Variants in ERN1 observed in about 807,000 individuals in gnomAD.
ERN1 encodes endoplasmic reticulum to nucleus signaling 1.
Under a neutral mutation model 113.1 loss-of-function variants are expected in ERN1, and 39 were observed. The ratio of observed to expected loss-of-function variants is 0.34; its 90% confidence interval spans 0.27 to 0.45. ERN1 has a LOEUF of 0.45. Ranked by LOEUF, ERN1 falls within the 20% of genes least tolerant of loss-of-function variation. The pLI is 1.00. For synonymous variants in ERN1, 507 were observed against 515.9 expected, an observed-to-expected ratio of 0.98 and a Z score of 0.23; for missense variants, 976 against 1,274.8, an observed-to-expected ratio of 0.77 and a Z score of 3.57.
Position 64,055,860 on chromosome 17 carries a change from A to AGCTGCT in ERN1, c.1481_1486dup (p.Gln494_Gln495dup), listed in dbSNP as rs541102253. The AGCTGCT allele has an allele frequency of 1.9e-5, 29 of 1,550,762 alleles. No homozygotes were observed. The highest frequency in any genetic ancestry group is 2.4e-5 in the Non-Finnish European group (28 of 1,146,624). On this transcript the variant is annotated inframe_insertion, in exon 13 of 22. Transcript: ENST00000433197. Reference sequence around the variant, plus strand: ...CGTGTCTCCAGGTGGGTGGAAGGGCAGCTGCTGCTGCTGCTGCTGCAGGAG... The same window carrying AGCTGCT: ...CGTGTCTCCAGGTGGGTGGAAGGGCAGCTGCTGCTGCTGCTGCTGCTGCTGCAGGAG...
At chr17:64,096,101 A>AC (rs942853984) in intron 2 of ERN1, among the ~76,000 whole-genome samples, 20 of 151,354 alleles carry the variant, frequency 1.3e-4, no homozygotes, top group African/African-American at 3.6e-4. Context: ...GGGGTCCCCA[A>AC]CCCCCAGGTT....
intron 1 of ERN1, among the ~76,000 whole-genome samples, chr17:64,116,087 C>T (rs1013365212): frequency 2.6e-5 from 4 of 152,178 alleles, no homozygotes; most frequent in African/African-American, 4.8e-5. Flanking sequence ...TAATCTGACT[C>T]ACTTTAAGGT....
chr17:64,051,282 C>T (rs971131646), intron 17 of ERN1, among the ~76,000 whole-genome samples: 1 of 152,100 alleles, frequency 6.6e-6, no homozygotes, highest in Admixed American at 6.6e-5. Flanking sequence ...TCAACACATG[C>T]TAAACCACTG....
chr17:64,069,210 C>G lies in ERN1; in HGVS notation c.479-919G>C, dbSNP rs76852145. 3.8e-4 allele frequency among the ~76,000 whole-genome samples: 58 copies of G among 152,208 alleles called. 1 individual carries two copies. The East Asian group carries it at 0.011, about 28-fold the overall frequency. Reference sequence around the variant, plus strand: ...ACCCTCTGCCCCCATCAAGGGAGTTCTAAAAACCATGTGTTGTCCCATTGC... The same window carrying G: ...ACCCTCTGCCCCCATCAAGGGAGTTGTAAAAACCATGTGTTGTCCCATTGC... On this transcript the variant is annotated intron_variant, in intron 6 of 21. Transcript: ENST00000433197.
At chr17:64,059,752 A>G (rs1244428611) in intron 11 of ERN1, among the ~76,000 whole-genome samples, 1 of 151,992 alleles carries the variant, frequency 6.6e-6, no homozygotes, top group Non-Finnish European at 1.5e-5. Context: ...CTTTAGGCCA[A>G]GGTGTGCTAA....
At chr17:64,110,958 T>C (rs1914655946) in intron 1 of ERN1, among the ~76,000 whole-genome samples, 1 of 152,124 alleles carries the variant, frequency 6.6e-6, no homozygotes, top group African/African-American at 2.4e-5. Flanking sequence ...CAACGTTGCT[T>C]TCTCCAGCTT....
At chr17:64,102,854 A>AACCATTTG in intron 1 of ERN1, 3 of 985,356 alleles carry the variant, frequency 3.0e-6, no homozygotes, top group Non-Finnish European at 3.6e-6. Context: ...TCAAGTTAAC[A>AACCATTTG]ACCATTTGAA....
intron 19 of ERN1, among the ~76,000 whole-genome samples, chr17:64,046,593 G>A (rs987800778): frequency 6.6e-6 from 1 of 152,148 alleles, no homozygotes; most frequent in Non-Finnish European, 1.5e-5. Flanking sequence ...TTCCCAACCC[G>A]ATCCATCTGA....
At chr17:64,066,180 T>A (rs1247680182) in intron 8 of ERN1, among the ~76,000 whole-genome samples, 1 of 152,126 alleles carries the variant, frequency 6.6e-6, no homozygotes, top group East Asian at 1.9e-4. Context: ...TTCTGATTTT[T>A]AAAATGAATA....
At position 64,057,782 on chromosome 17, in the gene ERN1, G is replaced by C; in HGVS notation, c.1398+20C>G. ...GCCCCAGAAATAGGTGGATGGCAAAGGGGAATTGTTGAGCTTTACCAGGGG... is the reference window on the plus strand; with the variant it reads ...GCCCCAGAAATAGGTGGATGGCAAACGGGAATTGTTGAGCTTTACCAGGGG... On this transcript the variant is annotated intron_variant, in intron 12 of 21. Coordinates refer to ENST00000433197, the MANE Select transcript of ERN1 (RefSeq NM_001433.5). 2 of 1,610,902 alleles carry C rather than the reference G, an allele frequency of 1.2e-6. No individual in the cohort carries two copies. Among genetic ancestry groups the C allele is most frequent in the Non-Finnish European group, 1.7e-6 (2 of 1,178,122 alleles).
intron 9 of ERN1, among the ~76,000 whole-genome samples, chr17:64,064,598 G>C (rs2143369684): frequency 6.6e-6 from 1 of 152,184 alleles, no homozygotes; most frequent in East Asian, 1.9e-4. Context: ...CAAATCACTG[G>C]GAAGACAAGA....
chr17:64,039,453 C>T lies in ERN1; in HGVS notation c.*4535G>A, dbSNP rs1214620620. On this transcript the variant is annotated 3_prime_UTR_variant, in exon 22 of 22. Transcript: ENST00000433197. ...TTCTTAAAAATCACCTAAAAATTAA[C>T]ATTTTACCCCGACCAAATTAATCAC... The T allele has an allele frequency of 5.9e-5, 9 of 152,136 alleles. No individual in the cohort carries two copies. Among genetic ancestry groups the T allele is most frequent in the Non-Finnish European group, 8.8e-5 (6 of 68,020 alleles). 9.4% of individuals were successfully genotyped at this position (152,136 alleles called of 1,614,324 possible). A position where few individuals can be genotyped will look rare whatever the true frequency, so the allele number is the denominator to read the frequency against.
chr17:64,116,414 A>G (rs1028552976), intron 1 of ERN1, among the ~76,000 whole-genome samples: 2 of 152,156 alleles, frequency 1.3e-5, no homozygotes, highest in Admixed American at 6.5e-5. Flanking sequence ...TAATCTCCAC[A>G]TATAAAGGAA....
rs1912415037 is a variant in ERN1, at chr17:64,043,794, G to A, written c.*194C>T. ...GGGGCCAGCATCTTCCCAGTTCCCT[G>A]TAGGTCACGAGGGGCCACTTCTCCC... On this transcript the variant is annotated 3_prime_UTR_variant, in exon 22 of 22. Transcript: ENST00000433197. The A allele has an allele frequency of 6.2e-6, 3 of 482,834 alleles. No individual in the cohort carries two copies. Among genetic ancestry groups the A allele is most frequent in the Admixed American group, 3.7e-5 (1 of 26,754 alleles). 29.9% of individuals were successfully genotyped at this position (482,834 alleles called of 1,614,324 possible). A position where few individuals can be genotyped will look rare whatever the true frequency, so the allele number is the denominator to read the frequency against.
chr17:64,058,108 TTTTA>T, intron 11 of ERN1, 115 bp from the exon 12 acceptor site: 1 of 800,520 alleles, frequency 1.2e-6, no homozygotes. Context: ...CTGCAGGGGG[TTTTA>T]TTTGTTTTAA....
chr17:64,041,157 A>T lies in ERN1; in HGVS notation c.*2831T>A, dbSNP rs1912325607. ...AGCGAGACTCTGTCTCAAAAAAACA[A>T]AAAACAAACGAAAAAACACTGAAAT... On this transcript the variant is annotated 3_prime_UTR_variant, in exon 22 of 22. Transcript: ENST00000433197. 1 of 152,206 alleles carries T rather than the reference A, an allele frequency of 6.6e-6. No homozygotes were observed. The highest frequency in any genetic ancestry group is 2.1e-4 in the South Asian group (1 of 4,828). The allele number at this position is 152,206 out of a possible 1,614,324, so 9.4% of individuals were successfully genotyped here. A position where few individuals can be genotyped will look rare whatever the true frequency, so the allele number is the denominator to read the frequency against.
chr17:64,119,639 G>A (rs1320221183), intron 1 of ERN1, among the ~76,000 whole-genome samples: 4 of 151,820 alleles, frequency 2.6e-5, no homozygotes, highest in African/African-American at 4.8e-5. Context: ...TGATCCGCCC[G>A]TCTCAGCCTC....
Position 64,054,010 on chromosome 17 carries a change from G to C in ERN1, c.1953+240C>G. The C allele has an allele frequency of 4.5e-6, 2 of 447,468 alleles. No homozygotes were observed. The highest frequency in any genetic ancestry group is 8.1e-6 in the Non-Finnish European group (2 of 246,444). 27.7% of individuals were successfully genotyped at this position (447,468 alleles called of 1,614,324 possible). ...GCTGGAGTGCAGTGGCACAATCACT[G>C]CTTACTGCAGCCTTGATCTCCCAGG... On this transcript the variant is annotated intron_variant, in intron 15 of 21. Transcript: ENST00000433197. The surrounding 1 kb of genome is among the most constrained non-coding windows in gnomAD (Gnocchi z 4.9).
intron 6 of ERN1, among the ~76,000 whole-genome samples, chr17:64,070,852 C>T (rs1015657196): frequency 1.3e-5 from 2 of 152,196 alleles, no homozygotes; most frequent in African/African-American, 2.4e-5. Flanking sequence ...AGGTGCTGCA[C>T]ATATGGTAAT....
Sources: gnomAD v4.1 joint callset for allele counts (sites outside exome capture counted in the v4.1 genomes callset) on GRCh38, gnomAD v4.1.1 for gene constraint, Gnocchi (gnomAD v3.1) non-coding constraint, MANE v1.5 for transcripts, NCBI Gene and HGNC (gene_info 2026-07-23, HGNC 2026-07-21) for gene names.